Variants in METTL22 observed in about 807,000 individuals in gnomAD.
The protein encoded by METTL22 is methyltransferase 22, Kin17 lysine.
In METTL22, 51 loss-of-function variants were observed where a neutral mutation model predicts 48.4. That is an observed-to-expected ratio of 1.05 (90% CI 0.84 to 1.33). METTL22 has a LOEUF of 1.33. METTL22 is among the 40% of genes most tolerant of loss of function. The pLI, the probability that METTL22 is intolerant of heterozygous loss-of-function variation, is 0.00. For synonymous variants in METTL22, 255 were observed against 214.1 expected (o/e 1.19, Z -1.67); for missense variants, 678 against 526.9 (o/e 1.29, Z -2.81).
At chr16:8,639,210 G>T in intron 6 of METTL22, 48 bp downstream of exon 6, 1 of 1,580,304 alleles carries the variant, frequency 6.3e-7, no homozygotes, top group Non-Finnish European at 8.7e-7. Flanking sequence ...TCTCTGTTTA[G>T]CAGATAGGAC....
chr16:8,635,440 C>G (rs549001338), intron 5 of METTL22, 128 bp downstream of exon 5: 1 of 1,148,486 alleles, frequency 8.7e-7, no homozygotes, highest in East Asian at 2.6e-5. Flanking sequence ...CCATCCTGGT[C>G]CCCTGGCCCT....
rs1342305193 is a variant in METTL22, at chr16:8,642,296, T to C, written c.907+89T>C. ...TCCTCACTTCCCCCGGGAGTTCAGT[T>C]TTAGAAGTGACTTTCTGGTACATGC... On this transcript the variant is annotated intron_variant, in intron 8 of 10. Coordinates refer to ENST00000381920, the MANE Select transcript of METTL22 (RefSeq NM_024109.4). The C allele has an allele frequency of 2.3e-6, 3 of 1,321,124 alleles. No individual in the cohort carries two copies. The African/African-American group carries it at 4.3e-5, about 19-fold the overall frequency. 81.8% of individuals were successfully genotyped at this position (1,321,124 alleles called of 1,614,324 possible). A position where few individuals can be genotyped will look rare whatever the true frequency, so the allele number is the denominator to read the frequency against.
At chr16:8,656,471 C>T in the METTL22 span, among the ~76,000 whole-genome samples, 1 of 152,248 alleles carries the variant, frequency 6.6e-6, no homozygotes, top group Non-Finnish European at 1.5e-5. Context: ...AGCTCCAGCA[C>T]AGCCACTAGG....
chr16:8,629,675 G>A (rs1186301977), intron 3 of METTL22, among the ~76,000 whole-genome samples: 3 of 152,140 alleles, frequency 2.0e-5, no homozygotes, highest in Non-Finnish European at 4.4e-5. Context: ...TGGGACAGGA[G>A]AGAGGTTTGG....
chr16:8,654,800 C>G, the METTL22 span, among the ~76,000 whole-genome samples: 3 of 152,196 alleles, frequency 2.0e-5, no homozygotes, highest in African/African-American at 7.2e-5. Context: ...CATCTGAACT[C>G]CATGTTGTCT....
chr16:8,641,839 T>C (rs1641057), intron 7 of METTL22: 534,768 of 537,376 alleles, frequency 1, 266,139 homozygotes, highest in South Asian at 1. Flanking sequence ...GGGGAGATCA[T>C]GTCCTGCACT....
At chr16:8,655,497 G>A in the METTL22 span, among the ~76,000 whole-genome samples, 1 of 152,214 alleles carries the variant, frequency 6.6e-6, no homozygotes, top group African/African-American at 2.4e-5. Flanking sequence ...TTACTGGGAG[G>A]TAACCTAATC....
At chr16:8,631,725 C>G (rs1253263912) in intron 3 of METTL22, 2 of 152,214 alleles carry the variant, frequency 1.3e-5, no homozygotes, top group African/African-American at 2.4e-5. Context: ...GATTCTAACA[C>G]TGTCTCATCC....
At chr16:8,652,207 C>T (rs191225053), downstream of METTL22, among the ~76,000 whole-genome samples, 2 of 151,962 alleles carry the variant, frequency 1.3e-5, no homozygotes, top group Non-Finnish European at 2.9e-5. Flanking sequence ...GCCTGTTATC[C>T]CAGCACTTTG....
At chr16:8,622,106 A>C (rs1431755933) in intron 1 of METTL22, among the ~76,000 whole-genome samples, 1 of 152,224 alleles carries the variant, frequency 6.6e-6, no homozygotes, top group Non-Finnish European at 1.5e-5. Flanking sequence ...GAGAACGAGT[A>C]GCCCCACGGG....
chr16:8,628,714 C>G lies in METTL22; in HGVS notation c.134-16C>G. 1.3e-6 allele frequency: 2 copies of G among 1,573,308 alleles called. No homozygotes were observed. Among genetic ancestry groups the G allele is most frequent in the Non-Finnish European group, 1.7e-6 (2 of 1,160,950 alleles). ...CATCTTGGAATTCTCATTTTGCGTT[C>G]TGTCTTGCCTTTCAGTTTTCCTGTC... On this transcript the variant is annotated splice_polypyrimidine_tract_variant and intron_variant, in intron 2 of 10. Coordinates refer to ENST00000381920, the MANE Select transcript of METTL22 (RefSeq NM_024109.4).
intron 3 of METTL22, among the ~76,000 whole-genome samples, chr16:8,629,588 G>A (rs925366818): frequency 2.0e-5 from 3 of 152,156 alleles, no homozygotes; most frequent in Admixed American, 6.5e-5. Flanking sequence ...TGAATGGGGC[G>A]TGGACCAGTC....
At chr16:8,631,031 A>G (rs2056242356) in intron 3 of METTL22, among the ~76,000 whole-genome samples, 1 of 152,188 alleles carries the variant, frequency 6.6e-6, no homozygotes, top group Non-Finnish European at 1.5e-5. Flanking sequence ...CAGGGGAACC[A>G]CTGTCCCTGG....
intron 2 of METTL22, 55 bp from the exon 3 acceptor site, chr16:8,628,675 G>C (rs2056145983): frequency 5.8e-6 from 9 of 1,540,544 alleles, no homozygotes; most frequent in Non-Finnish European, 7.8e-6. Context: ...AGAAGAGGAA[G>C]GTAAAAAAGA....
the METTL22 span, among the ~76,000 whole-genome samples, chr16:8,662,302 C>T: frequency 6.9e-6 from 1 of 145,436 alleles, no homozygotes; most frequent in South Asian, 2.2e-4. Flanking sequence ...TCTGTCTTTC[C>T]ATTGGAAACC....
intron 5 of METTL22, among the ~76,000 whole-genome samples, chr16:8,637,863 C>T (rs1384750181): frequency 2.6e-5 from 4 of 151,954 alleles, no homozygotes; most frequent in South Asian, 4.1e-4. Flanking sequence ...CCTGGCCAGG[C>T]GTGGTGGCTA....
chr16:8,625,523 T>G lies in METTL22; in HGVS notation c.-143T>G. On this transcript the variant is annotated 5_prime_UTR_variant, in exon 2 of 11. Coordinates refer to ENST00000381920, the MANE Select transcript of METTL22 (RefSeq NM_024109.4). ...GGATTCTCTTCCCTGGCCAAGTCTC[T>G]GAGATCTTCTCCCAGGGCGATGCAA... 5 of 616,688 alleles carry G rather than the reference T, an allele frequency of 8.1e-6. No individual in the cohort carries two copies. The highest frequency in any genetic ancestry group is 1.0e-5 in the Non-Finnish European group (4 of 384,064). The allele number at this position is 616,688 out of a possible 1,614,324, so 38.2% of individuals were successfully genotyped here.
intron 3 of METTL22, among the ~76,000 whole-genome samples, chr16:8,633,360 G>A (rs2141733076): frequency 6.6e-6 from 1 of 152,264 alleles, no homozygotes; most frequent in Admixed American, 6.5e-5. Flanking sequence ...CACTTTGGGA[G>A]GCCAAAGCAG....
chr16:8,628,079 C>T (rs2056122439), intron 2 of METTL22, among the ~76,000 whole-genome samples: 1 of 152,200 alleles, frequency 6.6e-6, no homozygotes, highest in South Asian at 2.1e-4. Context: ...AAAGTTTGCT[C>T]ACCCCTGCCT....
Sources: allele counts gnomAD v4.1 joint callset (sites outside exome capture counted in the v4.1 genomes callset), GRCh38; gene constraint gnomAD v4.1.1; transcripts MANE v1.5; gene names NCBI Gene and HGNC (gene_info 2026-07-23, HGNC 2026-07-21).